MXRA8: variants seen among roughly 807,000 people sequenced by gnomAD.
MXRA8 encodes the protein matrix remodeling associated 8, also known as matrix remodeling-associated protein 8.
MXRA8 carries 44 observed loss-of-function variants against 51.4 expected under a neutral mutation model. The observed-to-expected ratio is 0.86, with a 90% CI of 0.67 to 1.10. MXRA8 has a LOEUF of 1.10. MXRA8 is among the 50% of genes least tolerant of loss of function. MXRA8 has a pLI of 0.00. For synonymous variants in MXRA8, 369 were observed against 293.5 expected (o/e 1.26, Z -2.63); for missense variants, 765 against 638.9 (o/e 1.20, Z -2.13).
In MXRA8 at chr1:1,358,520, C is replaced by T. The variant is rs1334142054; in HGVS notation, c.-16G>A. ...GCAGCGCCATGGCCCCCGCCCAGCCCCAGGCTTTGTCCCACTCGGCTCTAA... is the reference window on the plus strand; with the variant it reads ...GCAGCGCCATGGCCCCCGCCCAGCCTCAGGCTTTGTCCCACTCGGCTCTAA... On this transcript the variant is annotated 5_prime_UTR_variant, in exon 1 of 10. Coordinates refer to ENST00000309212, the MANE Select transcript of MXRA8 (RefSeq NM_032348.4). The T allele has an allele frequency of 6.2e-7, 1 of 1,612,014 alleles. No individual in the cohort carries two copies. The highest frequency in any genetic ancestry group is 8.5e-7 in the Non-Finnish European group (1 of 1,179,010).
chr1:1,359,370 C>T (rs1644191332), upstream of MXRA8: 1 of 985,326 alleles, frequency 1.0e-6, no homozygotes, highest in African/African-American at 1.7e-5. Flanking sequence ...GGAAAACTTA[C>T]AAAGTCACAT....
rs1644106117 is a variant in MXRA8, at chr1:1,355,487, C to T, written c.339G>A (p.Ser113=). ...RDRGRLELSA[S]AFDDGNFSLL... is the part of the protein sequence containing the mutation. The stretch of plus-strand genomic sequence containing the variant: ...GCGAGAAGTTGCCGTCGTCGAAGGC[C>T]GAGGCCGAGAGCTCCAGGCGGCCGC... The change falls in exon 3 of 10, where the codon TCG becomes TCA. Residue 113 remains serine, a synonymous_variant. Coordinates refer to ENST00000309212, the MANE Select transcript of MXRA8 (RefSeq NM_032348.4). 6.0e-6 allele frequency: 9 copies of T among 1,509,726 alleles called. No homozygotes were observed. Among genetic ancestry groups the T allele is most frequent in the Non-Finnish European group, 7.9e-6 (9 of 1,140,528 alleles). The allele number at this position is 1,509,726 out of a possible 1,614,324, so 93.5% of individuals were successfully genotyped here.
At chr1:1,362,512 G>A (rs1210468297), upstream of MXRA8, among the ~76,000 whole-genome samples, 2 of 151,848 alleles carry the variant, frequency 1.3e-5, no homozygotes, top group African/African-American at 4.8e-5. Flanking sequence ...AGGCAAGATG[G>A]TTCACGCCTG....
Position 1,355,658 on chromosome 1 carries a change from G to A in MXRA8, c.168C>T (p.Ser56=). 10 of 1,421,314 alleles carry A rather than the reference G, an allele frequency of 7.0e-6. No homozygotes were observed. The highest frequency in any genetic ancestry group is 8.2e-6 in the Non-Finnish European group (9 of 1,091,514). 88.0% of individuals were successfully genotyped at this position (1,421,314 alleles called of 1,614,324 possible). A position where few individuals can be genotyped will look rare whatever the true frequency, so the allele number is the denominator to read the frequency against. ...GGTCCTGGGTCCACACCATGCGCGG[G>A]CTCTGGCAGCGCAGCACCGCCCGGG... ...AGARAVLRCQ[S]PRMVWTQDRL... Residue 56 remains serine (S), a synonymous_variant, in exon 3 of 10, where the codon AGC becomes AGT. Transcript: ENST00000309212.
intron 8 of MXRA8, 47 bp from the exon 9 acceptor site, chr1:1,353,975 C>T (rs780859975): frequency 1.6e-5 from 24 of 1,529,178 alleles, no homozygotes; most frequent in Non-Finnish European, 1.8e-5. Context: ...GGATGCACTT[C>T]CCAGCCCGGG....
chr1:1,359,206 G>C (rs1286518356), upstream of MXRA8: 2 of 985,404 alleles, frequency 2.0e-6, no homozygotes, highest in Non-Finnish European at 2.4e-6. Context: ...GGGTGCTGGG[G>C]TGAGCAGACC....
upstream of MXRA8, chr1:1,358,706 T>C (rs1644181255): frequency 7.2e-7 from 1 of 1,384,958 alleles, no homozygotes; most frequent in African/African-American, 1.5e-5. Context: ...GGAGGGGCAG[T>C]GTGGGAGCAG....
chr1:1,354,945 C>T lies in MXRA8; in HGVS notation c.686G>A (p.Gly229Asp). The T allele has an allele frequency of 1.9e-6, 3 of 1,601,264 alleles. No individual in the cohort carries two copies. The highest frequency in any genetic ancestry group is 2.6e-6 in the Non-Finnish European group (3 of 1,174,956). Residue 229 changes from glycine (G) to aspartate (D), a missense_variant, in exon 5 of 10, where the codon GGC becomes GAC. Transcript: ENST00000309212. The part of the protein sequence containing the change: ...ADRLLDLYAS[G>D]ERRAYGPLFL... The stretch of plus-strand genomic sequence containing the variant: ...AAGGGGCCCGTAGGCGCGGCGCTCG[C>T]CCGACGCGTAGAGGTCCAGCAGGCG...
At chr1:1,354,563 C>G (rs1439055715) in intron 5 of MXRA8, 54 bp from the exon 6 acceptor site, 12 of 1,579,364 alleles carry the variant, frequency 7.6e-6, no homozygotes, top group Non-Finnish European at 9.4e-6. Context: ...ACCTGCGCCC[C>G]GACCCGGGCC....
Position 1,353,517 on chromosome 1 carries a change from G to C in MXRA8, c.*87C>G. 6.6e-7 allele frequency: 1 copy of C among 1,515,878 alleles called. No homozygotes were observed. The highest frequency in any genetic ancestry group is 1.2e-5 in the South Asian group (1 of 80,120). The allele number at this position is 1,515,878 out of a possible 1,614,324, so 93.9% of individuals were successfully genotyped here. A position where few individuals can be genotyped will look rare whatever the true frequency, so the allele number is the denominator to read the frequency against. ...AAGCGGGACCAGCCGCTGGAAGGGG[G>C]GTGAGCCCCGGAGCATCAGGAGATG... is the stretch of plus-strand genomic sequence containing the variant. On this transcript the variant is annotated 3_prime_UTR_variant, in exon 10 of 10. Transcript: ENST00000309212.
In MXRA8 at chr1:1,354,010, G is replaced by T. The variant is rs767297038; in HGVS notation, c.1222+20C>A. 8 of 1,612,182 alleles carry T rather than the reference G, an allele frequency of 5.0e-6. No individual in the cohort carries two copies. The highest frequency in any genetic ancestry group is 3.3e-5 in the South Asian group (3 of 91,036). On this transcript the variant is annotated intron_variant, in intron 8 of 9. Coordinates refer to ENST00000309212, the MANE Select transcript of MXRA8 (RefSeq NM_032348.4). ...GACTGGGAGCCGCGCCTGTGCCCTC[G>T]TGTCCCAGCACTGCCTCACCTAGCT...
At position 1,353,990 on chromosome 1, in the gene MXRA8, GGAGCCGCGCCTGTGCCCTCGTGTCCC is replaced by G; in HGVS notation, c.1222+14_1222+39del. 8.0e-7 allele frequency: 1 copy of G among 1,246,824 alleles called. No homozygotes were observed. The highest frequency in any genetic ancestry group is 1.1e-6 in the Non-Finnish European group (1 of 918,988). The allele number at this position is 1,246,824 out of a possible 1,614,324, so 77.2% of individuals were successfully genotyped here. A position where few individuals can be genotyped will look rare whatever the true frequency, so the allele number is the denominator to read the frequency against. On this transcript the variant is annotated intron_variant, in intron 8 of 9. Coordinates refer to ENST00000309212, the MANE Select transcript of MXRA8 (RefSeq NM_032348.4). ...GGATGCACTTCCCAGCCCGGGACTGGGAGCCGCGCCTGTGCCCTCGTGTCCCAGCACTGCCTCACCTAGCTGGATGT... is the reference window on the plus strand; with the variant it reads ...GGATGCACTTCCCAGCCCGGGACTGGAGCACTGCCTCACCTAGCTGGATGT...
At chr1:1,354,169 G>A in intron 7 of MXRA8, 24 bp downstream of exon 7, 1 of 1,612,766 alleles carries the variant, frequency 6.2e-7, no homozygotes, top group Admixed American at 1.7e-5. Flanking sequence ...TGGTCCCCAG[G>A]AGGGCCGGGA....
chr1:1,359,384 C>T, upstream of MXRA8: 1 of 985,454 alleles, frequency 1.0e-6, no homozygotes, highest in South Asian at 4.7e-5. Context: ...GTCACATAAA[C>T]AAATGCGAAA....
intron 7 of MXRA8, 33 bp downstream of exon 7, chr1:1,354,160 G>A: frequency 6.2e-7 from 1 of 1,612,772 alleles, no homozygotes; most frequent in Non-Finnish European, 8.5e-7. Flanking sequence ...AGGGGGCCCT[G>A]GTCCCCAGGA....
At position 1,355,084 on chromosome 1, in the gene MXRA8, G is replaced by C. The variant is rs929272428; in HGVS notation, c.547C>G (p.Leu183Val). The C allele has an allele frequency of 6.4e-7, 1 of 1,560,300 alleles. No homozygotes were observed. Among genetic ancestry groups the C allele is most frequent in the Admixed American group, 2.0e-5 (1 of 50,168 alleles). Residue 183 changes from leucine to valine, a missense_variant, in exon 5 of 10, where the codon CTT (leucine) becomes GTT (valine). Transcript: ENST00000309212. Reference sequence around the variant, plus strand: ...TGCCCGCGGTTCACGCAGGTCAGAAGCGCGGGTGCGCCGCGCGCCACCGCC... The same window carrying C: ...TGCCCGCGGTTCACGCAGGTCAGAACCGCGGGTGCGCCGCGCGCCACCGCC... ...VLAVARGAPA[L>V]LTCVNRGHVW...
At chr1:1,353,666 C>T (rs1163202873) in intron 9 of MXRA8, 37 bp from the exon 10 acceptor site, 1 of 1,547,670 alleles carries the variant, frequency 6.5e-7, no homozygotes, top group Admixed American at 1.9e-5. Context: ...GGCGGCTGTC[C>T]TCCACCCTCA....
upstream of MXRA8, chr1:1,361,188 A>G: frequency 2.8e-6 from 2 of 703,282 alleles, no homozygotes; most frequent in South Asian, 3.0e-5. Flanking sequence ...GTCCACACAC[A>G]GAAACAGAGA....
chr1:1,355,692 T>C lies in MXRA8; in HGVS notation c.134A>G (p.Glu45Gly). Reference sequence around the variant, plus strand: ...GCGCAGCACCGCCCGGGCGCCCGCCTCCCAGCTCACCGCGGACTCGGACAC... The same window carrying C: ...GCGCAGCACCGCCCGGGCGCCCGCCCCCCAGCTCACCGCGGACTCGGACAC... Reference protein sequence around the residue: ...SVVSESAVSWEAGARAVLRCQ... With the variant: ...SVVSESAVSWGAGARAVLRCQ... The change falls in exon 3 of 10, where the codon GAG becomes GGG. Residue 45 changes from glutamate (E) to glycine (G), a missense_variant. Glu to Gly is a moderately conservative substitution (Grantham distance 98). Transcript: ENST00000309212. The C allele has an allele frequency of 7.5e-7, 1 of 1,337,714 alleles. No homozygotes were observed. The highest frequency in any genetic ancestry group is 9.5e-7 in the Non-Finnish European group (1 of 1,050,754). The allele number at this position is 1,337,714 out of a possible 1,614,324, so 82.9% of individuals were successfully genotyped here.
Sources: gnomAD v4.1 joint callset for allele counts (sites outside exome capture counted in the v4.1 genomes callset) on GRCh38, gnomAD v4.1.1 for gene constraint, MANE v1.5 for transcripts, NCBI Gene and HGNC (gene_info 2026-07-23, HGNC 2026-07-21) for gene names.